The following SESN2 variants were observed in gnomAD, a reference collection of about 807,000 sequenced individuals.
SESN2 encodes sestrin 2, also known as sestrin-2.
In SESN2, 42 loss-of-function variants were observed where a neutral mutation model predicts 56.0. The ratio of observed to expected loss-of-function variants is 0.75; its 90% CI spans 0.59 to 0.97. SESN2 has a LOEUF of 0.97. SESN2 is among the 50% of genes least tolerant of loss of function. SESN2 has a pLI of 0.00. For synonymous variants in SESN2, 264 were observed against 267.1 expected (o/e 0.99, Z 0.11); for missense variants, 507 against 649.4 (o/e 0.78, Z 2.38).
At chr1:28,269,119 G>A in intron 1 of SESN2, 64 bp from the exon 2 acceptor site, 1 of 1,195,348 alleles carries the variant, frequency 8.4e-7, no homozygotes, top group Non-Finnish European at 1.2e-6. Context: ...GAAGAGGCTG[G>A]ATAGGTAATA....
At chr1:28,275,457 G>A (rs1465504520) in intron 8 of SESN2, among the ~76,000 whole-genome samples, 1 of 152,152 alleles carries the variant, frequency 6.6e-6, no homozygotes, top group African/African-American at 2.4e-5. Context: ...CTATGCAGCT[G>A]TTAAAAATTA....
rs1409522292 is a variant in SESN2, at chr1:28,271,805, G to A, written c.288G>A (p.Leu96=). The A allele has an allele frequency of 6.2e-7, 1 of 1,614,208 alleles. No individual in the cohort carries two copies. Among genetic ancestry groups the A allele is most frequent in the Middle Eastern group, 1.6e-4 (1 of 6,062 alleles). The part of the protein sequence containing the change: ...HPDYFTSFWR[L]HYLLLHTDGP... ...ACTACTTTACCAGCTTCTGGCGCCT[G>A]CACTACCTGCTGCTGCACACGGATG... The change falls in exon 3 of 10, where the codon CTG becomes CTA. Residue 96 remains leucine (L), a synonymous_variant. Transcript: ENST00000253063.
Position 28,280,788 on chromosome 1 carries a change from C to T in SESN2, c.1429C>T (p.Arg477Cys), listed in dbSNP as rs149879215. 6.8e-5 allele frequency: 110 copies of T among 1,613,272 alleles called. 1 individual carries two copies. The African/African-American group carries it at 9.9e-4, about 14-fold the overall frequency. ...GCTGTACGCCCTCCGTGCCATCACC[C>T]GCTACATGACCTGACTCCTGAGCAG... ...ALLYALRAIT[R>C]YMT The change falls in exon 10 of 10, where the codon CGC becomes TGC. Residue 477 changes from arginine to cysteine, a missense_variant. By Grantham distance (180) the Arg-to-Cys change is radical. Transcript: ENST00000253063.
Position 28,273,346 on chromosome 1 carries a change from C to T in SESN2, c.751-12C>T. 1.3e-6 allele frequency: 2 copies of T among 1,566,162 alleles called. No individual in the cohort carries two copies. The highest frequency in any genetic ancestry group is 1.2e-5 in the South Asian group (1 of 85,434). ...GGAGGAGTAGCTGGTCACCACGGGG[C>T]CTCTCCTGCAGGGCTTTGAGTCTGC... On this transcript the variant is annotated splice_polypyrimidine_tract_variant and intron_variant, in intron 5 of 9. Coordinates refer to ENST00000253063, the MANE Select transcript of SESN2 (RefSeq NM_031459.5).
In SESN2 at chr1:28,272,673, C is replaced by G; in HGVS notation, c.630C>G (p.Phe210Leu). 6.2e-7 allele frequency: 1 copy of G among 1,614,108 alleles called. No homozygotes were observed. The highest frequency in any genetic ancestry group is 8.5e-7 in the Non-Finnish European group (1 of 1,179,980). The stretch of plus-strand genomic sequence containing the variant: ...CCCACTGCCACTCGCTCTCCTCCTT[C>G]GTGTTTGGCTGTGGCATCCTCCCTG... ...LLTHCHSLSS[F>L]VFGCGILPEG... The change falls in exon 5 of 10, where the codon TTC becomes TTG. Residue 210 changes from phenylalanine to leucine, a missense_variant. Transcript: ENST00000253063.
intron 1 of SESN2, among the ~76,000 whole-genome samples, chr1:28,260,518 G>GCA (rs1647337746): frequency 6.6e-6 from 1 of 152,146 alleles, no homozygotes; most frequent in Non-Finnish European, 1.5e-5. Context: ...CAGGGGCTCT[G>GCA]GGGGCTTGGC....
rs1310328978 is a variant in SESN2, at chr1:28,269,236, C to T, written c.144C>T (p.Ile48=). 4 of 1,611,884 alleles carry T rather than the reference C, an allele frequency of 2.5e-6. No homozygotes were observed. The highest frequency in any genetic ancestry group is 3.4e-6 in the Non-Finnish European group (4 of 1,178,850). The change falls in exon 2 of 10, where the codon ATC becomes ATT. Residue 48 remains isoleucine, a synonymous_variant. Coordinates refer to ENST00000253063, the MANE Select transcript of SESN2 (RefSeq NM_031459.5). The part of the protein sequence containing the change: ...RRGPRGPSAF[I]PVEEVLREGA... The stretch of plus-strand genomic sequence containing the variant: ...GCCCTCGAGGGCCCAGCGCCTTCAT[C>T]CCCGTGGAGGAGGTAAGCTTGGAAG...
intron 1 of SESN2, 95 bp downstream of exon 1, chr1:28,260,032 C>T (rs1186105254): frequency 1.1e-6 from 1 of 936,368 alleles, no homozygotes; most frequent in South Asian, 1.9e-5. Context: ...GTCCTGGGCT[C>T]GGGGAGGGAA....
At chr1:28,265,867 G>A (rs1647545870) in intron 1 of SESN2, among the ~76,000 whole-genome samples, 1 of 152,002 alleles carries the variant, frequency 6.6e-6, no homozygotes, top group Non-Finnish European at 1.5e-5. Context: ...TCATCATTTA[G>A]ATAACAGCTC....
At chr1:28,260,892 C>T (rs959108522) in intron 1 of SESN2, among the ~76,000 whole-genome samples, 2 of 151,928 alleles carry the variant, frequency 1.3e-5, no homozygotes, top group South Asian at 2.1e-4. Flanking sequence ...TCGCCTTTAA[C>T]CTAAGTCCTC....
rs1257212704 is a variant in SESN2, at chr1:28,280,839, C to T, written c.*37C>T. ...GACCTGGGCCCGGTTCAGCTCCCCACAAGGACTTCTCTGTCTGGAGACAGC... is the reference window on the plus strand; with the variant it reads ...GACCTGGGCCCGGTTCAGCTCCCCATAAGGACTTCTCTGTCTGGAGACAGC... On this transcript the variant is annotated 3_prime_UTR_variant, in exon 10 of 10. Coordinates refer to ENST00000253063, the MANE Select transcript of SESN2 (RefSeq NM_031459.5). The T allele has an allele frequency of 1.3e-6, 2 of 1,513,196 alleles. No homozygotes were observed. The highest frequency in any genetic ancestry group is 1.4e-5 in the African/African-American group (1 of 72,878). 93.7% of individuals were successfully genotyped at this position (1,513,196 alleles called of 1,614,324 possible).
Position 28,279,743 on chromosome 1 carries a change from C to T in SESN2, c.1356+502C>T, listed in dbSNP as rs570477441. Among the ~76,000 whole-genome samples the T allele has an allele frequency of 2.0e-4, 31 of 152,002 alleles. No homozygotes were observed. The South Asian group carries it at 6.2e-3, about 31-fold the overall frequency. On this transcript the variant is annotated intron_variant, in intron 9 of 9. Transcript: ENST00000253063. ...TGTATTTTTAGTAGAGACGGGGTTTCACTGTGTTAGCCAGGATGGTCTTGA... is the reference window on the plus strand; with the variant it reads ...TGTATTTTTAGTAGAGACGGGGTTTTACTGTGTTAGCCAGGATGGTCTTGA...
intron 8 of SESN2, 115 bp from the exon 9 acceptor site, chr1:28,278,982 C>T (rs1461740478): frequency 3.9e-6 from 4 of 1,020,852 alleles, no homozygotes; most frequent in Non-Finnish European, 5.9e-6. Flanking sequence ...CTTGTTGCTT[C>T]TACCTTCTGA....
chr1:28,263,512 T>G (rs1572090877), intron 1 of SESN2, among the ~76,000 whole-genome samples: 1 of 152,176 alleles, frequency 6.6e-6, no homozygotes, highest in African/African-American at 2.4e-5. Flanking sequence ...GGAGAAATAG[T>G]GTCTGTTCCT....
chr1:28,271,851 C>T lies in SESN2; in HGVS notation c.334C>T (p.Arg112Cys), dbSNP rs770770051. The change falls in exon 3 of 10, where the codon CGC (arginine) becomes TGC (cysteine). Residue 112 changes from arginine (R) to cysteine (C), a missense_variant. Coordinates refer to ENST00000253063, the MANE Select transcript of SESN2 (RefSeq NM_031459.5). The stretch of plus-strand genomic sequence containing the variant: ...GGATGGTCCCTTGGCCAGCTCCTGG[C>T]GCCACTACATTGCCATCATGGTGAG... ...HTDGPLASSW[R>C]HYIAIMAAAR... 3.9e-5 allele frequency: 63 copies of T among 1,614,016 alleles called. No homozygotes were observed. Among genetic ancestry groups the T allele is most frequent in the East Asian group, 2.7e-4 (12 of 44,892 alleles).
chr1:28,272,673 C>A lies in SESN2; in HGVS notation c.630C>A (p.Phe210Leu). 1 of 1,614,108 alleles carries A rather than the reference C, an allele frequency of 6.2e-7. No individual in the cohort carries two copies. The highest frequency in any genetic ancestry group is 8.5e-7 in the Non-Finnish European group (1 of 1,179,980). ...CCCACTGCCACTCGCTCTCCTCCTT[C>A]GTGTTTGGCTGTGGCATCCTCCCTG... ...LLTHCHSLSS[F>L]VFGCGILPEG... The change falls in exon 5 of 10, where the codon TTC (phenylalanine) becomes TTA (leucine). Residue 210 changes from phenylalanine to leucine, a missense_variant. Transcript: ENST00000253063.
Position 28,281,059 on chromosome 1 carries a change from T to G in SESN2, c.*257T>G. The stretch of plus-strand genomic sequence containing the variant: ...TCCTAAGGGACCACACCCTTCCTCC[T>G]TCCCCTGCCCACAGAGGCAGAGGGC... On this transcript the variant is annotated 3_prime_UTR_variant, in exon 10 of 10. Coordinates refer to ENST00000253063, the MANE Select transcript of SESN2 (RefSeq NM_031459.5). 7 of 404,076 alleles carry G rather than the reference T, an allele frequency of 1.7e-5. No homozygotes were observed. Among genetic ancestry groups the G allele is most frequent in the East Asian group, 4.1e-5 (1 of 24,380 alleles). 25.0% of individuals were successfully genotyped at this position (404,076 alleles called of 1,614,324 possible). A position where few individuals can be genotyped will look rare whatever the true frequency, so the allele number is the denominator to read the frequency against.
At chr1:28,260,544 C>G (rs1023093375) in intron 1 of SESN2, among the ~76,000 whole-genome samples, 1 of 152,172 alleles carries the variant, frequency 6.6e-6, no homozygotes, top group Non-Finnish European at 1.5e-5. Flanking sequence ...GCCCGGTACG[C>G]GGCGGCGGCA....
chr1:28,262,621 CA>C (rs71027268), intron 1 of SESN2, among the ~76,000 whole-genome samples: 116 of 52,476 alleles, frequency 2.2e-3, no homozygotes, highest in South Asian at 9.0e-3. Flanking sequence ...GAGTCTGTCT[CA>C]AAAAAAAAAA....
Sources: gnomAD v4.1 joint callset for allele counts (sites outside exome capture counted in the v4.1 genomes callset) on GRCh38, gnomAD v4.1.1 for gene constraint, MANE v1.5 for transcripts, NCBI Gene and HGNC (gene_info 2026-07-23, HGNC 2026-07-21) for gene names.